SULF1: variants seen among roughly 807,000 people sequenced by gnomAD.
SULF1 encodes extracellular sulfatase Sulf-1.
SULF1 carries 46 observed loss-of-function variants against 110.5 expected under a neutral mutation model. The observed-to-expected ratio is 0.42, with a 90% CI of 0.33 to 0.53. SULF1 has a LOEUF of 0.53. SULF1 is among the 20% of genes least tolerant of loss of function. SULF1 has a pLI of 0.12. For synonymous variants in SULF1, 371 were observed against 387.1 expected (o/e 0.96, Z 0.49); for missense variants, 941 against 1,094.2 (o/e 0.86, Z 1.98).
intron 1 of SULF1, among the ~76,000 whole-genome samples, chr8:69,495,076 T>C (rs1233101050): frequency 1.3e-5 from 2 of 152,178 alleles, no homozygotes; most frequent in Admixed American, 6.5e-5. Flanking sequence ...GGGCCTGGGC[T>C]ACTGGGTAGT....
At chr8:69,528,230 C>A (rs1383311103) in intron 3 of SULF1, among the ~76,000 whole-genome samples, 1 of 152,104 alleles carries the variant, frequency 6.6e-6, no homozygotes, top group Admixed American at 6.6e-5. Flanking sequence ...TTTTCCCCAC[C>A]ACTGAATTCA....
In SULF1 at chr8:69,600,716, T is replaced by C; in HGVS notation, c.848T>C (p.Leu283Pro). The C allele has an allele frequency of 3.1e-6, 5 of 1,614,012 alleles. No individual in the cohort carries two copies. The highest frequency in any genetic ancestry group is 1.3e-5 in the African/African-American group (1 of 75,044). Residue 283 changes from leucine to proline, a missense_variant, in exon 9 of 23, where the codon CTC becomes CCC. By Grantham distance (98) the Leu-to-Pro change is moderately conservative (BLOSUM62 -3). Transcript: ENST00000402687. Reference protein sequence around the residue: ...EFTNILQRKRLQTLMSVDDSV... With the variant: ...EFTNILQRKRPQTLMSVDDSV... ...ACAAACATTCTACAGCGCAAAAGGC[T>C]CCAGACTTTGATGTCAGTGGATGAT...
At chr8:69,656,444 T>A (rs1439168092) in intron 22 of SULF1, among the ~76,000 whole-genome samples, 1 of 152,180 alleles carries the variant, frequency 6.6e-6, no homozygotes, top group East Asian at 1.9e-4. Flanking sequence ...CAGCATGCAT[T>A]AGCTATTTTC....
At chr8:69,506,715 CTT>C (rs141478327) in intron 3 of SULF1, among the ~76,000 whole-genome samples, 2,291 of 152,274 alleles carry the variant, frequency 0.015, 57 homozygotes, top group African/African-American at 0.053. Context: ...AAGGAAAACT[CTT>C]TGCTCTTGCC....
intron 3 of SULF1, among the ~76,000 whole-genome samples, chr8:69,562,247 T>C (rs564858520): frequency 9.8e-5 from 15 of 152,330 alleles, no homozygotes; most frequent in African/African-American, 3.6e-4. Context: ...TGTGTTTGTG[T>C]AAAACAAAAT....
At chr8:69,519,409 A>C (rs913086735) in intron 3 of SULF1, among the ~76,000 whole-genome samples, 10 of 152,168 alleles carry the variant, frequency 6.6e-5, no homozygotes, top group African/African-American at 1.9e-4. Flanking sequence ...ATGAATATCT[A>C]AGTGCTTCTG....
intron 22 of SULF1, among the ~76,000 whole-genome samples, chr8:69,652,698 T>C (rs188190399): frequency 6.6e-6 from 1 of 152,358 alleles, no homozygotes; most frequent in Admixed American, 6.5e-5. Flanking sequence ...TGTAGCCTAC[T>C]CTTGTGCCCA....
intron 22 of SULF1, among the ~76,000 whole-genome samples, chr8:69,651,426 G>A (rs1370127466): frequency 6.6e-6 from 1 of 152,074 alleles, no homozygotes; most frequent in Admixed American, 6.6e-5. Flanking sequence ...CCAATATAAT[G>A]TTACCCTGCT....
chr8:69,631,666 A>G (rs979331131), intron 19 of SULF1, among the ~76,000 whole-genome samples: 9 of 152,176 alleles, frequency 5.9e-5, no homozygotes, highest in African/African-American at 1.9e-4. Context: ...TGCTTCAGCC[A>G]CTCAACTTCT....
intron 1 of SULF1, chr8:69,467,173 C>G (rs982876875): frequency 6.6e-6 from 1 of 152,126 alleles, no homozygotes; most frequent in Non-Finnish European, 1.5e-5. Flanking sequence ...AAGAAAATAC[C>G]TTTGGGAGCC....
intron 8 of SULF1, among the ~76,000 whole-genome samples, chr8:69,593,951 C>A (rs1001633757): frequency 2.0e-5 from 3 of 152,190 alleles, no homozygotes; most frequent in African/African-American, 7.2e-5. Flanking sequence ...GAAGGAGATG[C>A]CATTTACGTC....
In SULF1 at chr8:69,615,530, A is replaced by G. The variant is rs1809026298; in HGVS notation, c.1378-5505A>G. On this transcript the variant is annotated intron_variant, in intron 13 of 22. Coordinates refer to ENST00000402687, the MANE Select transcript of SULF1 (RefSeq NM_001128205.2). ...GTCCATGGTAGAAAAAATAATTGAC[A>G]TTTTTGTTCATGGCTCTTGCTTCAT... 2.6e-5 allele frequency among the ~76,000 whole-genome samples: 4 copies of G among 152,162 alleles called. No individual in the cohort carries two copies. The South Asian group carries it at 8.3e-4, about 32-fold the overall frequency.
chr8:69,644,638 A>C (rs1811741192), intron 22 of SULF1, among the ~76,000 whole-genome samples: 1 of 151,610 alleles, frequency 6.6e-6, no homozygotes, highest in Non-Finnish European at 1.5e-5. Flanking sequence ...AAGAAAAATT[A>C]GCCGGGCATG....
chr8:69,513,181 C>G (rs1303680208), intron 3 of SULF1, among the ~76,000 whole-genome samples: 1 of 152,210 alleles, frequency 6.6e-6, no homozygotes, highest in African/African-American at 2.4e-5. Context: ...TTTTAAAACA[C>G]TGAGCTTTGT....
chr8:69,616,697 C>G (rs118025215), intron 13 of SULF1, among the ~76,000 whole-genome samples: 1 of 142,938 alleles, frequency 7.0e-6, no homozygotes, highest in Non-Finnish European at 1.5e-5. Context: ...CTACTGTGCC[C>G]GGCCGTTTTT....
intron 19 of SULF1, among the ~76,000 whole-genome samples, chr8:69,630,224 CATA>C (rs1463693541): frequency 6.6e-6 from 1 of 152,214 alleles, no homozygotes; most frequent in Admixed American, 6.5e-5. Flanking sequence ...AAGGATATGG[CATA>C]ATAACATTTG....
Position 69,649,972 on chromosome 8 carries a change from CTTTTTTTTTTTTTT to C in SULF1, c.2586-8509_2586-8496del, listed in dbSNP as rs536073966. Among the ~76,000 whole-genome samples, 39 of 30,568 alleles carry C rather than the reference CTTTTTTTTTTTTTT, an allele frequency of 1.3e-3. No homozygotes were observed. The East Asian group carries it at 0.021, about 16-fold the overall frequency. 20.1% of individuals were successfully genotyped at this position (30,568 alleles called of 152,430 possible). A position where few individuals can be genotyped will look rare whatever the true frequency, so the allele number is the denominator to read the frequency against. On this transcript the variant is annotated intron_variant, in intron 22 of 22. Coordinates refer to ENST00000402687, the MANE Select transcript of SULF1 (RefSeq NM_001128205.2). ...CCCACTCTGTAATTCCTCCTGCTTGCTTTTTTTTTTTTTTTTTTTTTTTTTTTTTTTTTTTTTGT... is the reference window on the plus strand; with the variant it reads ...CCCACTCTGTAATTCCTCCTGCTTGCTTTTTTTTTTTTTTTTTTTTTTTGT...
Position 69,589,136 on chromosome 8 carries a change from A to G in SULF1, c.729A>G (p.Gln243=), listed in dbSNP as rs762558898. ...CTAAACTGTACCCCAATGCTTCCCA[A>G]CACATGTAAGTAACAAACTCAACTC... ...QFSKLYPNAS[Q]HITPSYNYAP... The change falls in exon 8 of 23, where the codon CAA becomes CAG. Residue 243 remains glutamine, a synonymous_variant. Transcript: ENST00000402687. 1 of 1,613,232 alleles carries G rather than the reference A, an allele frequency of 6.2e-7. No homozygotes were observed. Among genetic ancestry groups the G allele is most frequent in the Non-Finnish European group, 8.5e-7 (1 of 1,179,458 alleles).
At chr8:69,472,868 ACT>A (rs1809143885) in intron 1 of SULF1, among the ~76,000 whole-genome samples, 1 of 151,966 alleles carries the variant, frequency 6.6e-6, no homozygotes, top group Non-Finnish European at 1.5e-5. Flanking sequence ...ACAATGTCTC[ACT>A]CTCTCATCCA....
Sources: gnomAD v4.1 joint callset for allele counts (sites outside exome capture counted in the v4.1 genomes callset) on GRCh38, gnomAD v4.1.1 for gene constraint, MANE v1.5 for transcripts, NCBI Gene and HGNC (gene_info 2026-07-23, HGNC 2026-07-21) for gene names.